HPSE2: variants seen among roughly 807,000 people sequenced by gnomAD.
HPSE2 encodes the protein inactive heparanase-2.
In HPSE2, 38 loss-of-function variants were observed where a neutral mutation model predicts 60.5. The observed-to-expected ratio is 0.63, with a 90% CI of 0.48 to 0.82. The LOEUF (loss-of-function observed/expected upper bound fraction) is 0.82. Among genes scored for constraint, HPSE2 ranks in the 40% least tolerant of loss-of-function variants. The pLI is 0.00. For synonymous variants in HPSE2, 295 were observed against 293.2 expected (o/e 1.01, Z -0.06); for missense variants, 713 against 740.4 (o/e 0.96, Z 0.43).
chr10:99,262,999 A>C, the HPSE2 span, among the ~76,000 whole-genome samples: 2 of 152,132 alleles, frequency 1.3e-5, no homozygotes, highest in African/African-American at 4.8e-5. Flanking sequence ...ATTCTTACAC[A>C]AGAGCCAGGA....
intron 3 of HPSE2, among the ~76,000 whole-genome samples, chr10:98,820,783 C>G (rs534207420): frequency 7.2e-5 from 11 of 152,274 alleles, no homozygotes; most frequent in Admixed American, 5.2e-4. Flanking sequence ...ACAGCTATAT[C>G]AGCCACTACA....
chr10:98,969,568 T>C (rs767195939), intron 3 of HPSE2, among the ~76,000 whole-genome samples: 2 of 152,188 alleles, frequency 1.3e-5, no homozygotes, highest in Non-Finnish European at 2.9e-5. Flanking sequence ...AAGTGTTGAG[T>C]TCTTGCTGGA....
At chr10:99,311,533 T>G in the HPSE2 span, among the ~76,000 whole-genome samples, 1 of 152,208 alleles carries the variant, frequency 6.6e-6, no homozygotes, top group Non-Finnish European at 1.5e-5. Flanking sequence ...GCCATGCCTA[T>G]GTAAGATGAC....
intron 3 of HPSE2, among the ~76,000 whole-genome samples, chr10:98,839,685 T>C (rs1425736560): frequency 6.6e-6 from 1 of 152,212 alleles, no homozygotes; most frequent in East Asian, 1.9e-4. Flanking sequence ...AAGATGTTTT[T>C]TCCCTATGTT....
At chr10:99,254,421 A>G in the HPSE2 span, among the ~76,000 whole-genome samples, 1 of 152,206 alleles carries the variant, frequency 6.6e-6, no homozygotes, top group African/African-American at 2.4e-5. Flanking sequence ...AGGAAGGTTG[A>G]AAAACTAACT....
intron 3 of HPSE2, among the ~76,000 whole-genome samples, chr10:98,965,866 A>C (rs1444628668): frequency 1.3e-5 from 2 of 151,956 alleles, no homozygotes; most frequent in Non-Finnish European, 2.9e-5. Context: ...CTGTTCATTC[A>C]TTCAGTCATT....
chr10:99,210,474 T>A (rs534292168), intron 2 of HPSE2, among the ~76,000 whole-genome samples: 40 of 152,298 alleles, frequency 2.6e-4, no homozygotes, highest in African/African-American at 9.1e-4. Flanking sequence ...CAAGAAAAGA[T>A]AATTATGGAC....
intron 2 of HPSE2, among the ~76,000 whole-genome samples, chr10:99,219,327 G>A (rs1849235611): frequency 6.6e-6 from 1 of 152,140 alleles, no homozygotes; most frequent in Non-Finnish European, 1.5e-5. Flanking sequence ...CAAGTCCTAA[G>A]TCTCCAAGAA....
chr10:98,769,232 CCA>C (rs1187434867), intron 3 of HPSE2, among the ~76,000 whole-genome samples: 1 of 152,092 alleles, frequency 6.6e-6, no homozygotes, highest in Non-Finnish European at 1.5e-5. Context: ...ACATAAATAT[CCA>C]CAGTCCATGG....
chr10:98,869,549 G>T (rs1444085479), intron 3 of HPSE2, among the ~76,000 whole-genome samples: 1 of 151,974 alleles, frequency 6.6e-6, no homozygotes, highest in Non-Finnish European at 1.5e-5. Flanking sequence ...ATTAAGAATT[G>T]GTTTTTACTC....
chr10:98,767,707 T>C (rs1037176543), intron 3 of HPSE2, among the ~76,000 whole-genome samples: 6 of 145,574 alleles, frequency 4.1e-5, no homozygotes, highest in Non-Finnish European at 7.5e-5. Flanking sequence ...ACATGATATA[T>C]AATAAATTCA....
Position 99,035,455 on chromosome 10 carries a change from A to G in HPSE2, c.610+108783T>C, listed in dbSNP as rs113474111. ...TGATAACAATGCCTTCTTCTGGAAT[A>G]CCTTCTGGAGGACCTGCCTGAGGCT... On this transcript the variant is annotated intron_variant, in intron 3 of 11. Transcript: ENST00000370552. Among the ~76,000 whole-genome samples, 283 of 152,304 alleles carry G rather than the reference A, an allele frequency of 1.9e-3. 1 individual carries two copies. The highest frequency in any genetic ancestry group is 6.7e-3 in the African/African-American group (278 of 41,576).
chr10:98,983,791 C>T (rs186092030), intron 3 of HPSE2, among the ~76,000 whole-genome samples: 13 of 152,334 alleles, frequency 8.5e-5, no homozygotes, highest in African/African-American at 2.2e-4. Flanking sequence ...GTCACTCCCA[C>T]CCTAATACTG....
At chr10:99,307,405 G>A in the HPSE2 span, among the ~76,000 whole-genome samples, 1 of 152,260 alleles carries the variant, frequency 6.6e-6, no homozygotes, top group East Asian at 1.9e-4. Context: ...TCAGATGGTA[G>A]CCCCTGTTTT....
intron 9 of HPSE2, among the ~76,000 whole-genome samples, chr10:98,566,378 C>A (rs1211311569): frequency 3.3e-5 from 5 of 152,138 alleles, no homozygotes; most frequent in Non-Finnish European, 7.3e-5. Flanking sequence ...AAAGGCAAAG[C>A]CTACCACAAG....
chr10:99,219,956 G>A (rs1368797022), intron 2 of HPSE2, among the ~76,000 whole-genome samples: 1 of 152,114 alleles, frequency 6.6e-6, no homozygotes, highest in Non-Finnish European at 1.5e-5. Flanking sequence ...TATTCAAAGA[G>A]AATCAAAAAT....
chr10:98,592,370 T>C (rs1206967232), intron 9 of HPSE2, among the ~76,000 whole-genome samples: 4 of 152,198 alleles, frequency 2.6e-5, no homozygotes, highest in Non-Finnish European at 5.9e-5. Context: ...TCACCCTAAA[T>C]GTCTTATAGT....
chr10:98,497,609 A>G (rs116902910), intron 9 of HPSE2, among the ~76,000 whole-genome samples: 1,901 of 152,222 alleles, frequency 0.012, 12 homozygotes, highest in Middle Eastern at 0.027. Context: ...TATTTAAAGC[A>G]TTTTTGAAAT....
chr10:99,215,533 T>C (rs1163523425), intron 2 of HPSE2, among the ~76,000 whole-genome samples: 1 of 152,158 alleles, frequency 6.6e-6, no homozygotes, highest in Non-Finnish European at 1.5e-5. Flanking sequence ...AAAACCTAGA[T>C]GACAGGTTGA....
Sources: allele counts gnomAD v4.1 joint callset (sites outside exome capture counted in the v4.1 genomes callset), GRCh38; gene constraint gnomAD v4.1.1; transcripts MANE v1.5; gene names NCBI Gene and HGNC (gene_info 2026-07-23, HGNC 2026-07-21).